Variants in NEXMIF observed in about 807,000 individuals in gnomAD.
NEXMIF encodes neurite extension and migration factor.
In NEXMIF, 8 loss-of-function variants were observed where a neutral mutation model predicts 62.1. The observed-to-expected ratio is 0.13, with a 90% CI of 0.08 to 0.23. The LOEUF (loss-of-function observed/expected upper bound fraction) is 0.23, where lower values mean the gene tolerates loss of function less well. NEXMIF is among the 10% of genes least tolerant of loss of function. The pLI is 1.00. For missense variants in NEXMIF, 976 were observed against 1,113.3 expected, an observed-to-expected ratio of 0.88 and a Z score of 1.75; for synonymous variants, 404 against 416.6, an observed-to-expected ratio of 0.97 and a Z score of 0.37.
chrX:74,908,798 T>C (rs2080777452), intron 1 of NEXMIF, among the ~76,000 whole-genome samples: 1 of 112,246 alleles, frequency 8.9e-6, no homozygotes, highest in Non-Finnish European at 1.9e-5. Flanking sequence ...TTCCCACATG[T>C]TGTGGGAGGG....
At chrX:74,852,083 TA>T (rs1407666088) in intron 1 of NEXMIF, among the ~76,000 whole-genome samples, 1 of 110,731 alleles carries the variant, frequency 9.0e-6, no homozygotes, top group Non-Finnish European at 1.9e-5. Flanking sequence ...ATTTCACCTG[TA>T]AAGACACATA....
intron 1 of NEXMIF, among the ~76,000 whole-genome samples, chrX:74,816,948 A>G (rs985799584): frequency 8.9e-6 from 1 of 112,150 alleles, no homozygotes; most frequent in Non-Finnish European, 1.9e-5. Flanking sequence ...TTCTTACACA[A>G]TGCATTTCAA....
chrX:74,867,726 A>G (rs1467942896), intron 1 of NEXMIF, among the ~76,000 whole-genome samples: 2 of 112,372 alleles, frequency 1.8e-5, no homozygotes, highest in African/African-American at 6.5e-5. Flanking sequence ...GGACACAGGC[A>G]AAGATTTAAT....
Position 74,742,633 on chromosome X carries a change from G to A in NEXMIF, c.1924C>T (p.Pro642Ser), listed in dbSNP as rs755872844. 8.3e-7 allele frequency: 1 copy of A among 1,211,074 alleles called. No individual in the cohort carries two copies. The highest frequency in any genetic ancestry group is 1.1e-6 in the Non-Finnish European group (1 of 895,206). The change falls in exon 3 of 4, where the codon CCA becomes TCA. Residue 642 changes from proline (P) to serine (S), a missense_variant. By Grantham distance (74) the Pro-to-Ser change is moderately conservative (BLOSUM62 -1). Around this residue, in one of 5 missense-constraint regions of NEXMIF, gnomAD observed 639 missense variants for 694.5 expected, o/e 0.92. Coordinates refer to ENST00000055682, the MANE Select transcript of NEXMIF (RefSeq NM_001008537.3). Reference sequence around the variant, plus strand: ...CTACTTGCTGAAATTTCAATGGATGGGATTCTTTGAATCCTGTGCCTGTTG... The same window carrying A: ...CTACTTGCTGAAATTTCAATGGATGAGATTCTTTGAATCCTGTGCCTGTTG... ...LGNRHRIQRI[P>S]SIEISASSKQ...
At chrX:74,842,876 A>ATTGTT (rs1251862125) in intron 1 of NEXMIF, among the ~76,000 whole-genome samples, 1 of 111,774 alleles carries the variant, frequency 8.9e-6, no homozygotes, top group Non-Finnish European at 1.9e-5. Flanking sequence ...GTTGCTGACG[A>ATTGTT]TTGTTTTATG....
At position 74,810,804 on chromosome X, in the gene NEXMIF, G is replaced by A. The variant is rs763764303; in HGVS notation, c.-47-65107C>T. Among the ~76,000 whole-genome samples, 6 of 111,024 alleles carry A rather than the reference G, an allele frequency of 5.4e-5. No individual in the cohort carries two copies. The East Asian group carries it at 1.7e-3, about 31-fold the overall frequency. On this transcript the variant is annotated intron_variant, in intron 1 of 3. Coordinates refer to ENST00000055682, the MANE Select transcript of NEXMIF (RefSeq NM_001008537.3). Reference sequence around the variant, plus strand: ...GATCAAATGGAATAATATGAATGAAGGTTACCAACTGCTGTACAAATTGAA... The same window carrying A: ...GATCAAATGGAATAATATGAATGAAAGTTACCAACTGCTGTACAAATTGAA...
chrX:74,754,343 C>T (rs1187448228), intron 1 of NEXMIF, among the ~76,000 whole-genome samples: 4 of 103,545 alleles, frequency 3.9e-5, no homozygotes, highest in African/African-American at 1.4e-4. Context: ...GAGTCTCACT[C>T]TATCACCCAG....
At chrX:74,917,173 G>C (rs1356004954) in intron 1 of NEXMIF, among the ~76,000 whole-genome samples, 1 of 111,807 alleles carries the variant, frequency 8.9e-6, no homozygotes, top group Non-Finnish European at 1.9e-5. Flanking sequence ...GGAGGTAGTT[G>C]GGTCATGGGG....
intron 1 of NEXMIF, among the ~76,000 whole-genome samples, chrX:74,760,747 T>C (rs985114174): frequency 5.4e-5 from 6 of 111,587 alleles, no homozygotes; most frequent in African/African-American, 1.3e-4. Flanking sequence ...TAGTTGATCA[T>C]GGTGTATTAG....
intron 1 of NEXMIF, among the ~76,000 whole-genome samples, chrX:74,886,510 C>A (rs1226746404): frequency 9.0e-6 from 1 of 111,568 alleles, no homozygotes; most frequent in Non-Finnish European, 1.9e-5. Context: ...CAAAAACAGA[C>A]AAACAGAGAG....
intron 1 of NEXMIF, among the ~76,000 whole-genome samples, chrX:74,882,056 C>T (rs891473085): frequency 8.0e-5 from 9 of 112,005 alleles, no homozygotes; most frequent in African/African-American, 2.9e-4. Context: ...CACTTCCTCT[C>T]TCAGCAAATT....
At chrX:74,758,250 T>A (rs192734075) in intron 1 of NEXMIF, among the ~76,000 whole-genome samples, 5 of 110,678 alleles carry the variant, frequency 4.5e-5, no homozygotes, top group Non-Finnish European at 9.4e-5. Context: ...AAATTAATAA[T>A]CTACAGAGAC....
Position 74,815,635 on chromosome X carries a change from CT to C in NEXMIF, c.-47-69939del, listed in dbSNP as rs1216144220. Among the ~76,000 whole-genome samples, 583 of 99,524 alleles carry C rather than the reference CT, an allele frequency of 5.9e-3. 5 individuals carry two copies. The highest frequency in any genetic ancestry group is 0.016 in the African/African-American group (443 of 27,687). 86.4% of individuals were successfully genotyped at this position (99,524 alleles called of 115,157 possible). A position where few individuals can be genotyped will look rare whatever the true frequency, so the allele number is the denominator to read the frequency against. On this transcript the variant is annotated intron_variant, in intron 1 of 3. Transcript: ENST00000055682. ...TATATTTTAACATTTTCTACAACTACTTTTTTTTTTTTTTTTTGAGATGGAG... is the reference window on the plus strand; with the variant it reads ...TATATTTTAACATTTTCTACAACTACTTTTTTTTTTTTTTTTGAGATGGAG...
At chrX:74,921,769 A>G (rs2080827927) in intron 1 of NEXMIF, among the ~76,000 whole-genome samples, 1 of 111,243 alleles carries the variant, frequency 9.0e-6, no homozygotes, top group South Asian at 3.8e-4. Flanking sequence ...TTAAGATGGG[A>G]AAAACAAGGA....
In NEXMIF at chrX:74,923,327, G is replaced by GT. The variant is rs1462198411; in HGVS notation, c.-48+1555dup. The stretch of plus-strand genomic sequence containing the variant: ...AGAAATTAGACACTGTAATAAAAAT[G>GT]TACCAGCCCAAATTTAAATTGCTCA... On this transcript the variant is annotated intron_variant, in intron 1 of 3. Transcript: ENST00000055682. Among the ~76,000 whole-genome samples, 38 of 111,828 alleles carry GT rather than the reference G, an allele frequency of 3.4e-4. 1 individual carries two copies. The highest frequency in any genetic ancestry group is 6.6e-4 in the Non-Finnish European group (35 of 53,207).
At chrX:74,872,664 T>A (rs1377779024) in intron 1 of NEXMIF, among the ~76,000 whole-genome samples, 1 of 109,819 alleles carries the variant, frequency 9.1e-6, no homozygotes, top group Non-Finnish European at 1.9e-5. Flanking sequence ...ATTTTAAAAA[T>A]AACTAAAACA....
chrX:74,852,518 T>C (rs1169241648), intron 1 of NEXMIF, among the ~76,000 whole-genome samples: 1 of 111,909 alleles, frequency 8.9e-6, no homozygotes, highest in Non-Finnish European at 1.9e-5. Context: ...AGAATACACA[T>C]TATTCTCATC....
At chrX:74,804,753 C>A (rs2080339915) in intron 1 of NEXMIF, among the ~76,000 whole-genome samples, 1 of 111,764 alleles carries the variant, frequency 8.9e-6, no homozygotes, top group Non-Finnish European at 1.9e-5. Flanking sequence ...TTAACCACCC[C>A]AGCTGGTGTC....
chrX:74,751,863 C>G (rs761636968), intron 1 of NEXMIF, among the ~76,000 whole-genome samples: 21 of 98,754 alleles, frequency 2.1e-4, no homozygotes, highest in African/African-American at 7.3e-4. Context: ...TCCTTCCTTT[C>G]CAGAGTCTCG....
Sources: gnomAD v4.1 joint callset for allele counts (sites outside exome capture counted in the v4.1 genomes callset) on GRCh38, gnomAD v4.1.1 for gene constraint, gnomAD v4.1.1 regional missense constraint, MANE v1.5 for transcripts, NCBI Gene and HGNC (gene_info 2026-07-23, HGNC 2026-07-21) for gene names.